NAA16: variants seen among roughly 807,000 people sequenced by gnomAD.
NAA16 encodes the protein NARG1-like protein.
A neutral mutation model predicts 110.3 loss-of-function variants in NAA16; 97 were observed. That is an observed-to-expected ratio of 0.88 (90% CI 0.75 to 1.04). NAA16 has a LOEUF of 1.04. Among genes scored for constraint, NAA16 ranks in the 50% least tolerant of loss-of-function variants. NAA16 has a pLI of 0.00. For missense variants in NAA16, 1,017 were observed against 1,005.1 expected (o/e 1.01, Z -0.16); for synonymous variants, 372 against 330.6 (o/e 1.13, Z -1.36).
chr13:41,367,945 C>G (rs940877848), intron 14 of NAA16, among the ~76,000 whole-genome samples: 1 of 152,158 alleles, frequency 6.6e-6, no homozygotes, highest in Admixed American at 6.6e-5. Flanking sequence ...CGCCTGTAAT[C>G]ACAGCATTTT....
intron 14 of NAA16, among the ~76,000 whole-genome samples, chr13:41,368,191 A>G (rs1234007299): frequency 6.6e-6 from 1 of 150,872 alleles, no homozygotes; most frequent in Non-Finnish European, 1.5e-5. Flanking sequence ...ATTAAAAATA[A>G]GAATATCAGT....
chr13:41,373,005 A>T (rs1208283647), intron 17 of NAA16, 175 bp downstream of exon 17: 1 of 780,564 alleles, frequency 1.3e-6, no homozygotes, highest in African/African-American at 1.9e-5. Context: ...TGTCAGTGGG[A>T]TGCCACTGAG....
At chr13:41,367,412 G>T in intron 13 of NAA16, 27 bp from the exon 14 acceptor site, 1 of 1,499,276 alleles carries the variant, frequency 6.7e-7, no homozygotes, top group Non-Finnish European at 9.2e-7. Flanking sequence ...AAATGTAAAG[G>T]TTAATTTTGT....
chr13:41,339,120 T>TTG (rs1566266824), intron 9 of NAA16, among the ~76,000 whole-genome samples: 5 of 151,314 alleles, frequency 3.3e-5, no homozygotes, highest in Admixed American at 6.6e-5. Flanking sequence ...ATTTCTTGTT[T>TTG]TTGTTGTTGT....
intron 13 of NAA16, chr13:41,362,542 C>T: frequency 2.4e-6 from 1 of 425,322 alleles, no homozygotes; most frequent in South Asian, 2.1e-5. Context: ...CCGCAGTCAG[C>T]CTCTCTCCAG....
In NAA16 at chr13:41,328,745, G is replaced by A. The variant is rs1593435060; in HGVS notation, c.713G>A (p.Gly238Glu). Residue 238 changes from glycine (G) to glutamate (E), a missense_variant, in exon 7 of 20, where the codon GGA becomes GAA. Coordinates refer to ENST00000379406, the MANE Select transcript of NAA16 (RefSeq NM_024561.5). ...EIKGEILLKL[G>E]RLKEASEVFK... ...TCAGGGGAAATACTGTTGAAATTGG[G>A]AAGATTAAAAGAAGCCAGTGAAGTG... The A allele has an allele frequency of 6.2e-7, 1 of 1,607,290 alleles. No homozygotes were observed. The highest frequency in any genetic ancestry group is 8.5e-7 in the Non-Finnish European group (1 of 1,175,094).
At position 41,375,625 on chromosome 13, in the gene NAA16, T is replaced by C. The variant is rs750559988; in HGVS notation, c.*23T>C. 6.4e-7 allele frequency: 1 copy of C among 1,559,872 alleles called. No homozygotes were observed. Among genetic ancestry groups the C allele is most frequent in the South Asian group, 1.2e-5 (1 of 85,852 alleles). On this transcript the variant is annotated 3_prime_UTR_variant, in exon 20 of 20. Transcript: ENST00000379406. ...TGAAATCTTCTAGAAAGTAGACTCCTATAGACTCAAAGCTGAATTGAGATC... is the reference window on the plus strand; with the variant it reads ...TGAAATCTTCTAGAAAGTAGACTCCCATAGACTCAAAGCTGAATTGAGATC...
chr13:41,330,407 A>G (rs879684407), intron 7 of NAA16, among the ~76,000 whole-genome samples: 2 of 152,008 alleles, frequency 1.3e-5, no homozygotes, highest in Admixed American at 1.3e-4. Context: ...GCTAGCACCC[A>G]GGGTTATTCT....
rs73457503 is a variant in NAA16, at chr13:41,317,883, T to G, written c.140-923T>G. Among the ~76,000 whole-genome samples the G allele has an allele frequency of 6.4e-3, 969 of 152,350 alleles. 9 individuals carry two copies. Among genetic ancestry groups the G allele is most frequent in the African/African-American group, 0.022 (927 of 41,578 alleles). On this transcript the variant is annotated intron_variant, in intron 2 of 19. Coordinates refer to ENST00000379406, the MANE Select transcript of NAA16 (RefSeq NM_024561.5). ...GATAATTCAGAGAATTATTTCATCC[T>G]AAACCATCTTTTATTAACTTCCTTA...
intron 15 of NAA16, among the ~76,000 whole-genome samples, chr13:41,369,755 G>A (rs115731076): frequency 6.6e-6 from 1 of 152,132 alleles, no homozygotes; most frequent in Non-Finnish European, 1.5e-5. Flanking sequence ...TGGAAGGAGG[G>A]TGCCCCAAGC....
intron 15 of NAA16, among the ~76,000 whole-genome samples, chr13:41,370,005 T>A (rs1450094797): frequency 6.6e-6 from 1 of 152,208 alleles, no homozygotes; most frequent in Non-Finnish European, 1.5e-5. Context: ...TTTTACCTTA[T>A]ATGTCTTACT....
chr13:41,328,948 C>A, intron 7 of NAA16, 105 bp downstream of exon 7: 1 of 941,620 alleles, frequency 1.1e-6, no homozygotes, highest in Non-Finnish European at 1.6e-6. Context: ...CATTAGTACT[C>A]ATTTTTCCAT....
At chr13:41,335,061 A>G (rs577983729) in intron 8 of NAA16, among the ~76,000 whole-genome samples, 1 of 152,328 alleles carries the variant, frequency 6.6e-6, no homozygotes, top group African/African-American at 2.4e-5. Flanking sequence ...TGCACAATCT[A>G]ATCAAATTTG....
intron 14 of NAA16, among the ~76,000 whole-genome samples, chr13:41,368,587 C>A (rs1014641702): frequency 4.6e-5 from 7 of 151,618 alleles, no homozygotes; most frequent in African/African-American, 1.7e-4. Flanking sequence ...CTTGCCCAGA[C>A]AAAAAACAGA....
At chr13:41,371,354 G>T (rs751072885) in intron 15 of NAA16, among the ~76,000 whole-genome samples, 1 of 152,124 alleles carries the variant, frequency 6.6e-6, no homozygotes, top group Non-Finnish European at 1.5e-5. Context: ...GGAAAGATTG[G>T]TACTGGACAG....
At chr13:41,334,571 AATT>A (rs2042327193) in intron 8 of NAA16, among the ~76,000 whole-genome samples, 1 of 152,166 alleles carries the variant, frequency 6.6e-6, no homozygotes, top group Admixed American at 6.5e-5. Context: ...TCTAGATGAG[AATT>A]ATTCAGGTAA....
chr13:41,337,354 G>A (rs2042407323), intron 9 of NAA16, among the ~76,000 whole-genome samples: 2 of 151,870 alleles, frequency 1.3e-5, no homozygotes, highest in Admixed American at 6.6e-5. Context: ...CTATCCTGGC[G>A]AACACGGTGA....
chr13:41,344,143 C>G (rs1225159673), intron 9 of NAA16, among the ~76,000 whole-genome samples: 1 of 152,102 alleles, frequency 6.6e-6, no homozygotes, highest in Non-Finnish European at 1.5e-5. Flanking sequence ...ATATTTTCTT[C>G]TCTCAGAGTC....
chr13:41,375,495 C>G lies in NAA16; in HGVS notation c.2488C>G (p.Leu830Val). 6.2e-7 allele frequency: 1 copy of G among 1,614,086 alleles called. No homozygotes were observed. The highest frequency in any genetic ancestry group is 8.5e-7 in the Non-Finnish European group (1 of 1,179,954). The change falls in exon 20 of 20, where the codon CTG becomes GTG. Residue 830 changes from leucine (L) to valine (V), a missense_variant. Physicochemically the swap from Leu to Val is conservative, Grantham distance 32. Coordinates refer to ENST00000379406, the MANE Select transcript of NAA16 (RefSeq NM_024561.5). ...YEEYRMACHN[L>V]LPFTSAFLPA... ...AGAATATAGGATGGCCTGTCATAAC[C>G]TGCTTCCTTTTACATCTGCCTTCTT...
Sources: allele counts gnomAD v4.1 joint callset (sites outside exome capture counted in the v4.1 genomes callset), GRCh38; gene constraint gnomAD v4.1.1; transcripts MANE v1.5; gene names NCBI Gene and HGNC (gene_info 2026-07-23, HGNC 2026-07-21).